The following SHISAL2A variants were observed in gnomAD, a reference collection of about 807,000 sequenced individuals.
SHISAL2A encodes the protein protein shisa-like-2A.
In SHISAL2A, 18 loss-of-function variants were observed where a neutral mutation model predicts 11.5. The ratio of observed to expected loss-of-function variants is 1.57; its 90% CI spans 1.08 to 2.33. The LOEUF is 2.33. Ranked by LOEUF, SHISAL2A falls within the 30% of genes most tolerant of loss-of-function variation. The pLI, the probability that SHISAL2A is intolerant of heterozygous loss-of-function variation, is 0.00. For missense variants in SHISAL2A, 261 were observed against 250.9 expected (o/e 1.04, Z -0.27); for synonymous variants, 94 against 99.6 (o/e 0.94, Z 0.34).
At chr1:52,653,200 C>A (rs1052350799) in intron 2 of SHISAL2A, among the ~76,000 whole-genome samples, 1 of 149,088 alleles carries the variant, frequency 6.7e-6, no homozygotes, top group Non-Finnish European at 1.5e-5. Context: ...CAAAATCCCT[C>A]CACTTTGGGA....
At chr1:52,646,555 G>A (rs965823061) in intron 2 of SHISAL2A, among the ~76,000 whole-genome samples, 1 of 149,782 alleles carries the variant, frequency 6.7e-6, no homozygotes, top group South Asian at 2.1e-4. Context: ...CTCCAATTCT[G>A]TATTTGCAAA....
chr1:52,643,482 G>A (rs1036486674), intron 2 of SHISAL2A, among the ~76,000 whole-genome samples: 5 of 152,026 alleles, frequency 3.3e-5, no homozygotes, highest in Admixed American at 1.3e-4. Context: ...GCCTCTAAGG[G>A]GCCAAAAATA....
At chr1:52,636,979 C>T (rs1384891926) in intron 1 of SHISAL2A, among the ~76,000 whole-genome samples, 1 of 152,136 alleles carries the variant, frequency 6.6e-6, no homozygotes, top group East Asian at 1.9e-4. Flanking sequence ...AGCACCCAGC[C>T]AGGACCCTTT....
intron 2 of SHISAL2A, among the ~76,000 whole-genome samples, chr1:52,644,329 C>G (rs893413478): frequency 2.0e-5 from 3 of 152,184 alleles, no homozygotes; most frequent in Non-Finnish European, 4.4e-5. Context: ...TGTGTGTGGA[C>G]CGGACTGAGT....
chr1:52,653,286 C>CAA (rs59878820), intron 2 of SHISAL2A, among the ~76,000 whole-genome samples: 9 of 36,438 alleles, frequency 2.5e-4, no homozygotes, highest in Admixed American at 9.2e-4. Flanking sequence ...CCTGTCTCTA[C>CAA]AAAAAAAAAA....
rs537267930 is a variant in SHISAL2A, at chr1:52,635,562, G to A, written c.182+1887G>A. ...TTTATTGGTATGGGTTACTGGTCCA[G>A]GTGGCACCAACTGGTCTATCAAAAT... On this transcript the variant is annotated intron_variant, in intron 1 of 2. Transcript: ENST00000517870. Among the ~76,000 whole-genome samples, 6 of 152,220 alleles carry A rather than the reference G, an allele frequency of 3.9e-5. No individual in the cohort carries two copies. In the East Asian group the frequency reaches 1.2e-3, roughly 29 times the overall value.
In SHISAL2A at chr1:52,633,542, C is replaced by A. The variant is rs201042020; in HGVS notation, c.49C>A (p.Arg17Ser). ...CGTGAGCGCAGAGCAGGAGGTGGTG[C>A]GCGGCTTCAGCTGCCCGCGGCCGGG... The part of the protein sequence containing the change: ...SYVSAEQEVV[R>S]GFSCPRPGGE... Residue 17 changes from arginine to serine, a missense_variant, in exon 1 of 3, where the codon CGC (arginine) becomes AGC (serine). Coordinates refer to ENST00000517870, the MANE Select transcript of SHISAL2A (RefSeq NM_001042693.3). This position sits in a 1 kb window ranked among gnomAD's most constrained non-coding sequence, Gnocchi z 6.4. The A allele has an allele frequency of 1.2e-6, 2 of 1,606,588 alleles. No individual in the cohort carries two copies. The highest frequency in any genetic ancestry group is 8.5e-7 in the Non-Finnish European group (1 of 1,177,050).
At chr1:52,642,830 A>G (rs1174389223) in intron 1 of SHISAL2A, 33 bp from the exon 2 acceptor site, 16 of 1,609,614 alleles carry the variant, frequency 9.9e-6, no homozygotes, top group Non-Finnish European at 1.4e-5. Context: ...TCCCTTCCTG[A>G]CTCTCAGCTC....
rs572378834 is a variant in SHISAL2A at position 52,633,935 on chromosome 1, C to A, written c.182+260C>A. ...AAACAATCCTCACTCTATCCCCACC[C>A]CAAACTTCATTCCATCACCACCCTC... On this transcript the variant is annotated intron_variant, in intron 1 of 2. Coordinates refer to ENST00000517870, the MANE Select transcript of SHISAL2A (RefSeq NM_001042693.3). The surrounding 1 kb of genome is among the most constrained non-coding windows in gnomAD (Gnocchi z 6.4). Among the ~76,000 whole-genome samples, 1 of 152,064 alleles carries A rather than the reference C, an allele frequency of 6.6e-6. No individual in the cohort carries two copies. Among genetic ancestry groups the A allele is most frequent in the African/African-American group, 2.4e-5 (1 of 41,380 alleles).
At chr1:52,659,193 C>A (rs563941633), downstream of SHISAL2A, among the ~76,000 whole-genome samples, 6 of 152,106 alleles carry the variant, frequency 3.9e-5, no homozygotes, top group East Asian at 1.2e-3. Context: ...GCCTCCCAAG[C>A]AACTGTGACT....
At chr1:52,637,647 C>G (rs1283233062) in intron 1 of SHISAL2A, among the ~76,000 whole-genome samples, 5 of 152,140 alleles carry the variant, frequency 3.3e-5, no homozygotes, top group Non-Finnish European at 1.5e-5. Context: ...GTGGTCAGAC[C>G]GTGTCTACAG....
At chr1:52,638,009 G>A (rs1239698083) in intron 1 of SHISAL2A, among the ~76,000 whole-genome samples, 1 of 152,168 alleles carries the variant, frequency 6.6e-6, no homozygotes, top group South Asian at 2.1e-4. Flanking sequence ...ATCCCTGCTT[G>A]AGGCAGTACA....
intron 2 of SHISAL2A, 62 bp downstream of exon 2, chr1:52,643,064 G>C: frequency 1.3e-6 from 2 of 1,503,334 alleles, no homozygotes; most frequent in South Asian, 1.2e-5. Context: ...CAAGGGGGGA[G>C]AAATGTAGAA....
At chr1:52,661,182 T>A (rs1691900721), downstream of SHISAL2A, among the ~76,000 whole-genome samples, 2 of 152,172 alleles carry the variant, frequency 1.3e-5, no homozygotes, top group Non-Finnish European at 2.9e-5. Flanking sequence ...AGGGGCTTGG[T>A]CTTTATCCCG....
intron 2 of SHISAL2A, among the ~76,000 whole-genome samples, chr1:52,654,170 C>T (rs926540763): frequency 6.6e-6 from 1 of 151,878 alleles, no homozygotes; most frequent in Non-Finnish European, 1.5e-5. Flanking sequence ...CTTGGCCTCT[C>T]AAAGTGTGGG....
intron 2 of SHISAL2A, among the ~76,000 whole-genome samples, chr1:52,651,505 G>A (rs1388615406): frequency 2.0e-5 from 3 of 152,114 alleles, no homozygotes; most frequent in Non-Finnish European, 2.9e-5. Context: ...CCAAAGTGCT[G>A]GGATTGCAGG....
intron 1 of SHISAL2A, among the ~76,000 whole-genome samples, chr1:52,637,611 A>G (rs4926921): frequency 0.16 from 24,600 of 152,246 alleles, 3,817 homozygotes; most frequent in African/African-American, 0.35. Flanking sequence ...GCCAGAAGAC[A>G]GCAGCCTTGC....
At chr1:52,645,968 G>A (rs1691492280) in intron 2 of SHISAL2A, among the ~76,000 whole-genome samples, 1 of 152,206 alleles carries the variant, frequency 6.6e-6, no homozygotes, top group Non-Finnish European at 1.5e-5. Context: ...CTATCAGGCA[G>A]CAGGACATTT....
upstream of SHISAL2A, among the ~76,000 whole-genome samples, chr1:52,633,055 C>T (rs1236200601): frequency 4.6e-5 from 7 of 152,052 alleles, no homozygotes; most frequent in Non-Finnish European, 2.9e-5. This position sits in a 1 kb window ranked among gnomAD's most constrained non-coding sequence, Gnocchi z 6.4. Context: ...GCGCCCGCGC[C>T]CTGGCCTCGA....
Sources: allele counts gnomAD v4.1 joint callset (sites outside exome capture counted in the v4.1 genomes callset), GRCh38; gene constraint gnomAD v4.1.1; non-coding constraint Gnocchi (gnomAD v3.1); transcripts MANE v1.5; gene names NCBI Gene and HGNC (gene_info 2026-07-23, HGNC 2026-07-21).